The following NHERF2 variants were observed in gnomAD, a reference collection of about 807,000 sequenced individuals.
The protein encoded by NHERF2 is Na(+)/H(+) exchange regulatory cofactor NHE-RF2.
chr16:2,038,257 G>A, the NHERF2 span: 3 of 574,434 alleles, frequency 5.2e-6, no homozygotes, highest in East Asian at 3.1e-5. Flanking sequence ...GAGAGACAGA[G>A]AGAGAGCGAG....
the NHERF2 span, chr16:2,029,693 C>T: frequency 6.4e-7 from 1 of 1,559,592 alleles, no homozygotes. Flanking sequence ...GGAGATGGCC[C>T]AGCGAGGGCT....
the NHERF2 span, among the ~76,000 whole-genome samples, chr16:2,033,645 T>C: frequency 1.3e-5 from 2 of 152,196 alleles, no homozygotes; most frequent in South Asian, 4.1e-4. Flanking sequence ...CAGGCATGGC[T>C]GGGGGACCAG....
the NHERF2 span, chr16:2,033,081 G>T: frequency 3.0e-6 from 3 of 985,380 alleles, no homozygotes; most frequent in Non-Finnish European, 3.6e-6. Context: ...TGGGTCCTGG[G>T]GCAGGGCAGG....
At chr16:2,035,655 T>TG in the NHERF2 span, 1 of 985,732 alleles carries the variant, frequency 1.0e-6, no homozygotes, top group Non-Finnish European at 1.2e-6. Context: ...CTTGCCTGCA[T>TG]GGTCCCCTGG....
the NHERF2 span, chr16:2,037,805 C>A: frequency 1.9e-6 from 3 of 1,568,328 alleles, no homozygotes; most frequent in South Asian, 3.5e-5. Context: ...CCAGACACCC[C>A]ACCCACCGTG....
At chr16:2,035,575 G>A in the NHERF2 span, 21 of 987,390 alleles carry the variant, frequency 2.1e-5, no homozygotes, top group Admixed American at 6.1e-5. Flanking sequence ...AACTGAGCAC[G>A]GGCAGCCGCT....
the NHERF2 span, chr16:2,029,611 G>A: frequency 1.9e-6 from 3 of 1,579,144 alleles, no homozygotes; most frequent in Non-Finnish European, 2.6e-6. Context: ...CTGTGGAGGG[G>A]CAGACTCGGC....
the NHERF2 span, among the ~76,000 whole-genome samples, chr16:2,034,086 C>G: frequency 6.6e-6 from 1 of 152,208 alleles, no homozygotes; most frequent in Non-Finnish European, 1.5e-5. Flanking sequence ...GATCCTGCTT[C>G]CTGTCTGGTG....
the NHERF2 span, among the ~76,000 whole-genome samples, chr16:2,028,925 C>T: frequency 2.6e-5 from 4 of 152,250 alleles, no homozygotes; most frequent in Non-Finnish European, 2.9e-5. Flanking sequence ...CTCTCCCCCT[C>T]GCCGGCTGCA....
At chr16:2,030,183 C>T in the NHERF2 span, among the ~76,000 whole-genome samples, 1 of 152,240 alleles carries the variant, frequency 6.6e-6, no homozygotes, top group Non-Finnish European at 1.5e-5. Flanking sequence ...GTCTTTGTCT[C>T]TGTTGAAGGC....
chr16:2,034,304 C>T, the NHERF2 span, among the ~76,000 whole-genome samples: 6 of 152,014 alleles, frequency 3.9e-5, no homozygotes, highest in African/African-American at 7.2e-5. Flanking sequence ...CCTGTCCCCA[C>T]GCCTTCCCTG....
chr16:2,036,385 A>G, the NHERF2 span: 1 of 1,610,298 alleles, frequency 6.2e-7, no homozygotes, highest in African/African-American at 1.3e-5. Flanking sequence ...AAGGGACCTC[A>G]GGGCTATGGG....
the NHERF2 span, chr16:2,032,853 C>T: frequency 2.0e-6 from 2 of 1,010,314 alleles, no homozygotes; most frequent in South Asian, 7.8e-5. The surrounding 1 kb of genome is among the most constrained non-coding windows in gnomAD (Gnocchi z 4.0). Context: ...ACCCTGAGCC[C>T]TCTGCCCCCT....
the NHERF2 span, chr16:2,027,158 C>T: frequency 2.7e-6 from 4 of 1,474,852 alleles, no homozygotes; most frequent in Non-Finnish European, 3.6e-6. Flanking sequence ...CCGCGCTGCG[C>T]GCTGGGGACC....
At chr16:2,029,792 G>C in the NHERF2 span, 1 of 1,548,496 alleles carries the variant, frequency 6.5e-7, no homozygotes, top group Non-Finnish European at 8.7e-7. Context: ...GGTATGGCGG[G>C]CTTGGCCCAC....
chr16:2,028,487 C>G, the NHERF2 span, among the ~76,000 whole-genome samples: 4 of 152,224 alleles, frequency 2.6e-5, no homozygotes, highest in African/African-American at 9.6e-5. Flanking sequence ...CCATGGTGGA[C>G]TCTCCCCACT....
At chr16:2,036,525 G>A in the NHERF2 span, 70 of 1,564,532 alleles carry the variant, frequency 4.5e-5, no homozygotes, top group South Asian at 7.0e-5. Context: ...CCAGGGCTGC[G>A]GGGTGCCGAG....
chr16:2,037,970 T>A, the NHERF2 span: 1 of 1,613,540 alleles, frequency 6.2e-7, no homozygotes, highest in Non-Finnish European at 8.5e-7. Context: ...GCGTGAAATC[T>A]TCAGCAACTT....
chr16:2,030,618 CTTTT>C, the NHERF2 span, among the ~76,000 whole-genome samples: 1 of 132,226 alleles, frequency 7.6e-6, no homozygotes, highest in Admixed American at 7.4e-5. Flanking sequence ...TCTCTCCTAC[CTTTT>C]TTTTTTTTTT....
Sources: allele counts gnomAD v4.1 joint callset (sites outside exome capture counted in the v4.1 genomes callset), GRCh38; gene constraint gnomAD v4.1.1; non-coding constraint Gnocchi (gnomAD v3.1); transcripts MANE v1.5; gene names NCBI Gene and HGNC (gene_info 2026-07-23, HGNC 2026-07-21).